The following SLIT2 variants were observed in gnomAD, a reference collection of about 807,000 sequenced individuals.
SLIT2 encodes slit homolog 2 protein.
SLIT2 carries 41 observed loss-of-function variants against 185.7 expected under a neutral mutation model. The observed-to-expected ratio is 0.22, with a 90% CI of 0.17 to 0.29. The LOEUF (loss-of-function observed/expected upper bound fraction) is 0.29. SLIT2 is among the 10% of genes least tolerant of loss of function. The pLI, the probability that SLIT2 is intolerant of heterozygous loss-of-function variation, is 1.00. For synonymous variants in SLIT2, 693 were observed against 680.2 expected (o/e 1.02, Z -0.29); for missense variants, 1,571 against 1,909.0 (o/e 0.82, Z 3.30).
chr4:20,585,729 C>T (rs1180331749), intron 29 of SLIT2, among the ~76,000 whole-genome samples: 2 of 152,176 alleles, frequency 1.3e-5, no homozygotes, highest in Admixed American at 1.3e-4. Context: ...CTTTCTGTCA[C>T]CTCACACTTT....
At chr4:20,344,162 T>A (rs140814270) in intron 4 of SLIT2, among the ~76,000 whole-genome samples, 30 of 152,306 alleles carry the variant, frequency 2.0e-4, no homozygotes, top group African/African-American at 7.0e-4. Context: ...AGTATCCTTT[T>A]AAATATAGTT....
At chr4:20,411,969 C>T (rs572340057) in intron 4 of SLIT2, among the ~76,000 whole-genome samples, 2 of 152,226 alleles carry the variant, frequency 1.3e-5, no homozygotes, top group South Asian at 4.2e-4. Flanking sequence ...TTGTGAGGAA[C>T]CATCATTAAT....
intron 4 of SLIT2, among the ~76,000 whole-genome samples, chr4:20,282,077 A>C (rs1714830814): frequency 6.6e-6 from 1 of 152,222 alleles, no homozygotes; most frequent in African/African-American, 2.4e-5. Flanking sequence ...CATCAAAATC[A>C]GATGAAGAAC....
chr4:20,444,372 T>C (rs1711542982), intron 4 of SLIT2, among the ~76,000 whole-genome samples: 3 of 151,950 alleles, frequency 2.0e-5, no homozygotes, highest in Admixed American at 1.3e-4. Context: ...TCTCCTGTTT[T>C]GTTGAAGGTT....
chr4:20,486,697 A>T (rs1273380684), intron 7 of SLIT2, among the ~76,000 whole-genome samples: 29 of 152,130 alleles, frequency 1.9e-4, no homozygotes, highest in Admixed American at 1.8e-3. Flanking sequence ...GTACTTCTAT[A>T]ATTAAGATTG....
Position 20,541,627 on chromosome 4 carries a change from AT to A in SLIT2, c.2143+9del, listed in dbSNP as rs1329229611. 1 of 1,612,298 alleles carries A rather than the reference AT, an allele frequency of 6.2e-7. No individual in the cohort carries two copies. The highest frequency in any genetic ancestry group is 8.5e-7 in the Non-Finnish European group (1 of 1,178,476). The stretch of plus-strand genomic sequence containing the variant: ...ACTTCACTTGTGATGACGGTAAGAA[AT>A]ACTTATCAACTCTTTGATTGTCAGG... On this transcript the variant is annotated intron_variant, in intron 20 of 36. Transcript: ENST00000504154.
rs200768792 is a variant in SLIT2 at position 20,617,569 on chromosome 4, C to A, written c.4267C>A (p.His1423Asn). ...FNPCQAIKCK[H>N]GKCRLSGLGQ... is the part of the protein sequence containing the mutation. ...CCCATGCCAGGCGATCAAGTGCAAG[C>A]ATGGGAAGTGCAGGCTTTCAGGTCT... The change falls in exon 36 of 37, where the codon CAT becomes AAT. Residue 1423 changes from histidine (H) to asparagine (N), a missense_variant. Coordinates refer to ENST00000504154, the MANE Select transcript of SLIT2 (RefSeq NM_004787.4). 1.4e-4 allele frequency: 225 copies of A among 1,613,738 alleles called. No homozygotes were observed. Among genetic ancestry groups the A allele is most frequent in the Non-Finnish European group, 1.2e-5 (14 of 1,179,974 alleles).
At chr4:20,555,810 A>T (rs901966886) in intron 26 of SLIT2, among the ~76,000 whole-genome samples, 3 of 152,022 alleles carry the variant, frequency 2.0e-5, no homozygotes, top group African/African-American at 7.3e-5. Flanking sequence ...AGCTAATTTT[A>T]TAAAAGGAAA....
chr4:20,548,244 C>T (rs532953197), intron 22 of SLIT2, among the ~76,000 whole-genome samples: 6 of 152,168 alleles, frequency 3.9e-5, no homozygotes, highest in Admixed American at 2.0e-4. Context: ...TGCACGTACA[C>T]TACATTGGCT....
chr4:20,313,695 T>C (rs1176561245), intron 4 of SLIT2, among the ~76,000 whole-genome samples: 2 of 152,130 alleles, frequency 1.3e-5, no homozygotes, highest in African/African-American at 4.8e-5. Context: ...GGGGATTGTT[T>C]TGGGATGAAA....
intron 4 of SLIT2, among the ~76,000 whole-genome samples, chr4:20,330,163 A>G (rs557557855): frequency 1.3e-5 from 2 of 152,172 alleles, no homozygotes; most frequent in African/African-American, 4.8e-5. Context: ...CTGAATGATC[A>G]ATTTATTCTG....
At chr4:20,566,429 A>G (rs944574215) in intron 26 of SLIT2, among the ~76,000 whole-genome samples, 1 of 152,084 alleles carries the variant, frequency 6.6e-6, no homozygotes, top group Non-Finnish European at 1.5e-5. Context: ...TATTGAGGAC[A>G]GTACAATTTC....
chr4:20,460,461 A>G (rs1713581199), intron 4 of SLIT2, among the ~76,000 whole-genome samples: 1 of 152,222 alleles, frequency 6.6e-6, no homozygotes, highest in Non-Finnish European at 1.5e-5. Flanking sequence ...AATTCCTCAC[A>G]TAGTCATCAT....
chr4:20,577,616 A>G (rs1726185059), intron 29 of SLIT2, among the ~76,000 whole-genome samples: 1 of 152,128 alleles, frequency 6.6e-6, no homozygotes, highest in Non-Finnish European at 1.5e-5. Flanking sequence ...AAAAGAGGAG[A>G]AAATATACAT....
chr4:20,297,428 C>T (rs2109097100), intron 4 of SLIT2, among the ~76,000 whole-genome samples: 2 of 152,260 alleles, frequency 1.3e-5, no homozygotes, highest in Middle Eastern at 6.8e-3. Flanking sequence ...TCCCCCCTTC[C>T]ACTTGAATGC....
chr4:20,478,492 T>C (rs1260598680), intron 5 of SLIT2, among the ~76,000 whole-genome samples: 3 of 152,188 alleles, frequency 2.0e-5, no homozygotes, highest in African/African-American at 7.2e-5. Context: ...TTCCATTCCT[T>C]GTAGGACAAG....
chr4:20,554,242 T>C, intron 26 of SLIT2: 3 of 527,552 alleles, frequency 5.7e-6, no homozygotes, highest in South Asian at 4.9e-5. Context: ...TGGAAATTCC[T>C]TTCATAGCCT....
At chr4:20,429,027 GT>G (rs1728763866) in intron 4 of SLIT2, among the ~76,000 whole-genome samples, 1 of 152,160 alleles carries the variant, frequency 6.6e-6, no homozygotes, top group Non-Finnish European at 1.5e-5. Context: ...CTGTGGTTTT[GT>G]TATGAGCTGT....
At chr4:20,323,449 T>C (rs1719274928) in intron 4 of SLIT2, among the ~76,000 whole-genome samples, 2 of 152,218 alleles carry the variant, frequency 1.3e-5, no homozygotes, top group Admixed American at 6.5e-5. Context: ...GAAATCAATT[T>C]ATTGAATGAA....
Sources: gnomAD v4.1 joint callset for allele counts (sites outside exome capture counted in the v4.1 genomes callset) on GRCh38, gnomAD v4.1.1 for gene constraint, MANE v1.5 for transcripts, NCBI Gene and HGNC (gene_info 2026-07-23, HGNC 2026-07-21) for gene names.